The following LMTK2 variants were observed in gnomAD, a reference collection of about 807,000 sequenced individuals.
LMTK2 encodes the protein lemur tail kinase 2, also known as serine/threonine-protein kinase LMTK2.
A neutral mutation model predicts 127.5 loss-of-function variants in LMTK2; 37 were observed. The observed-to-expected ratio is 0.29, with a 90% CI of 0.22 to 0.38. The LOEUF is 0.38. LMTK2 is among the 10% of genes least tolerant of loss of function. LMTK2 has a pLI of 1.00. For synonymous variants in LMTK2, 819 were observed against 810.1 expected, an observed-to-expected ratio of 1.01 and a Z score of -0.19; for missense variants, 1,694 against 1,920.3, an observed-to-expected ratio of 0.88 and a Z score of 2.20.
Position 98,206,488 on chromosome 7 carries a change from A to G in LMTK2, c.*996A>G, listed in dbSNP as rs1431611425. Reference sequence around the variant, plus strand: ...GGGGACGTGCTGGCGTGGCAGGTCCAGAGAGCTGCACCCTGCACGGGGCAC... The same window carrying G: ...GGGGACGTGCTGGCGTGGCAGGTCCGGAGAGCTGCACCCTGCACGGGGCAC... On this transcript the variant is annotated 3_prime_UTR_variant, in exon 14 of 14. Coordinates refer to ENST00000297293, the MANE Select transcript of LMTK2 (RefSeq NM_014916.4). 1 of 152,224 alleles carries G rather than the reference A, an allele frequency of 6.6e-6. No homozygotes were observed. Among genetic ancestry groups the G allele is most frequent in the East Asian group, 1.9e-4 (1 of 5,182 alleles). The allele number at this position is 152,224 out of a possible 1,614,324, so 9.4% of individuals were successfully genotyped here. A position where few individuals can be genotyped will look rare whatever the true frequency, so the allele number is the denominator to read the frequency against.
chr7:98,109,149 G>A (rs934806322), intron 1 of LMTK2, among the ~76,000 whole-genome samples: 10 of 152,162 alleles, frequency 6.6e-5, no homozygotes, highest in African/African-American at 2.4e-4. Flanking sequence ...GTGAGCCACC[G>A]CGCCTGGCCA....
intron 3 of LMTK2, among the ~76,000 whole-genome samples, chr7:98,151,030 A>G (rs1044036487): frequency 1.4e-4 from 21 of 152,230 alleles, no homozygotes; most frequent in African/African-American, 4.8e-4. Flanking sequence ...TTAAAAATTA[A>G]GGAGAGTAGT....
rs1269036331 is a variant in LMTK2 at position 98,193,808 on chromosome 7, A to G, written c.3343A>G (p.Lys1115Glu). 4 of 1,613,774 alleles carry G rather than the reference A, an allele frequency of 2.5e-6. No individual in the cohort carries two copies. Among genetic ancestry groups the G allele is most frequent in the South Asian group, 1.1e-5 (1 of 91,048 alleles). The change falls in exon 11 of 14, where the codon AAA becomes GAA. Residue 1115 changes from lysine to glutamate, a missense_variant. Coordinates refer to ENST00000297293, the MANE Select transcript of LMTK2 (RefSeq NM_014916.4). The surrounding 1 kb of genome is among the most constrained non-coding windows in gnomAD (Gnocchi z 4.1). The stretch of plus-strand genomic sequence containing the variant: ...CTCAGACAATGACTCTGAGCCCGAG[A>G]AAAGGTCTGAGGAGGTCCCGGGAAC... ...YFSDNDSEPE[K>E]RSEEVPGTSP...
intron 11 of LMTK2, among the ~76,000 whole-genome samples, chr7:98,200,003 C>T (rs981720132): frequency 7.9e-5 from 12 of 151,944 alleles, no homozygotes; most frequent in Admixed American, 6.6e-4. Flanking sequence ...TTACGTATAC[C>T]ATTTTATTTG....
At chr7:98,173,199 A>T (rs1314012021) in intron 7 of LMTK2, among the ~76,000 whole-genome samples, 2 of 152,216 alleles carry the variant, frequency 1.3e-5, no homozygotes, top group Non-Finnish European at 2.9e-5. Flanking sequence ...TGCCTATCAG[A>T]CTGTCAACAT....
rs1321252989 is a variant in LMTK2 at position 98,193,765 on chromosome 7, C to T, written c.3300C>T (p.Tyr1100=). The change falls in exon 11 of 14, where the codon TAC becomes TAT. Residue 1100 remains tyrosine (Y), a synonymous_variant. Transcript: ENST00000297293. This position sits in a 1 kb window ranked among gnomAD's most constrained non-coding sequence, Gnocchi z 4.1. The part of the protein sequence containing the change: ...ETFTAGSQGS[Y]RDSAYFSDND... ...TCACAGCTGGCTCCCAGGGTTCATA[C>T]CGAGACTCTGCGTACTTCTCAGACA... The T allele has an allele frequency of 6.2e-7, 1 of 1,613,992 alleles. No individual in the cohort carries two copies. The highest frequency in any genetic ancestry group is 2.2e-5 in the East Asian group (1 of 44,868).
intron 6 of LMTK2, among the ~76,000 whole-genome samples, chr7:98,162,739 A>G (rs1232723500): frequency 1.3e-5 from 2 of 152,260 alleles, no homozygotes; most frequent in Non-Finnish European, 2.9e-5. Flanking sequence ...AAATACAATT[A>G]CCATATGATC....
intron 1 of LMTK2, among the ~76,000 whole-genome samples, chr7:98,116,362 T>A (rs1209300686): frequency 6.6e-6 from 1 of 152,018 alleles, no homozygotes; most frequent in Non-Finnish European, 1.5e-5. Flanking sequence ...GAGAACTAAG[T>A]TCTCCAAACC....
Position 98,191,606 on chromosome 7 carries a change from C to A in LMTK2, c.1149-8C>A. 1 of 1,564,642 alleles carries A rather than the reference C, an allele frequency of 6.4e-7. No individual in the cohort carries two copies. ...GGTTCCACTGATTGCTTGTCGTGTG[C>A]TGCTCAGGTATGAAGTCTTACAGTT... On this transcript the variant is annotated splice_polypyrimidine_tract_variant and splice_region_variant and intron_variant, in intron 10 of 13. Coordinates refer to ENST00000297293, the MANE Select transcript of LMTK2 (RefSeq NM_014916.4).
intron 13 of LMTK2, 139 bp from the exon 14 acceptor site, chr7:98,205,325 G>A: frequency 2.1e-6 from 2 of 974,366 alleles, no homozygotes; most frequent in Non-Finnish European, 3.1e-6. Context: ...GGAAAGGACA[G>A]GAAGGGCGGC....
intron 3 of LMTK2, 125 bp downstream of exon 3, chr7:98,141,666 C>T: frequency 1.1e-6 from 1 of 918,650 alleles, no homozygotes; most frequent in Non-Finnish European, 1.7e-6. Context: ...TCCTTCTGCT[C>T]CCAGTGAAGC....
chr7:98,172,773 T>A (rs1249700657), intron 7 of LMTK2, among the ~76,000 whole-genome samples: 1 of 152,056 alleles, frequency 6.6e-6, no homozygotes, highest in African/African-American at 2.4e-5. Context: ...TTATGTATTA[T>A]TTTTTTGAGA....
intron 5 of LMTK2, among the ~76,000 whole-genome samples, chr7:98,157,251 CGGT>C (rs1796937872): frequency 1.4e-5 from 2 of 141,932 alleles, no homozygotes; most frequent in Non-Finnish European, 3.1e-5. Flanking sequence ...GACCCTGTCT[CGGT>C]AGGTAGGTAG....
At chr7:98,151,714 CAG>C (rs1562906588) in intron 4 of LMTK2, among the ~76,000 whole-genome samples, 1 of 152,208 alleles carries the variant, frequency 6.6e-6, no homozygotes, top group Non-Finnish European at 1.5e-5. Context: ...TTATAAACAA[CAG>C]AAATTTATTT....
Position 98,128,290 on chromosome 7 carries a change from G to A in LMTK2, c.104-9025G>A, listed in dbSNP as rs139886048. 6.6e-3 allele frequency among the ~76,000 whole-genome samples: 1,010 copies of A among 152,266 alleles called. 13 individuals carry two copies. The highest frequency in any genetic ancestry group is 0.023 in the African/African-American group (958 of 41,540). On this transcript the variant is annotated intron_variant, in intron 1 of 13. Coordinates refer to ENST00000297293, the MANE Select transcript of LMTK2 (RefSeq NM_014916.4). ...GCCTTTTAAACAGGTGAGTCCTGAGGGCGGGCCGTAGTCCATTCTCACTGT... is the reference window on the plus strand; with the variant it reads ...GCCTTTTAAACAGGTGAGTCCTGAGAGCGGGCCGTAGTCCATTCTCACTGT...
At chr7:98,182,363 A>G (rs549124668) in intron 7 of LMTK2, among the ~76,000 whole-genome samples, 3 of 152,230 alleles carry the variant, frequency 2.0e-5, no homozygotes, top group Non-Finnish European at 4.4e-5. Flanking sequence ...TATATAAAGC[A>G]TATATGGAGA....
intron 1 of LMTK2, among the ~76,000 whole-genome samples, chr7:98,114,455 G>A (rs1796248606): frequency 6.6e-6 from 1 of 151,782 alleles, no homozygotes; most frequent in South Asian, 2.1e-4. Context: ...ATATTGCCCA[G>A]GCTGGTCTCA....
chr7:98,113,990 G>T (rs1172087773), intron 1 of LMTK2, among the ~76,000 whole-genome samples: 2 of 147,578 alleles, frequency 1.4e-5, no homozygotes, highest in African/African-American at 5.0e-5. Flanking sequence ...GTCATTTATT[G>T]TATTGTGATT....
Position 98,192,421 on chromosome 7 carries a change from C to G in LMTK2, c.1956C>G (p.Phe652Leu). The part of the protein sequence containing the change: ...SEDLPSHQKI[F>L]DLMELNGVQA... ...ATTTGCCCAGTCACCAAAAAATATT[C>G]GACTTAATGGAATTAAACGGAGTTC... The change falls in exon 11 of 14, where the codon TTC (phenylalanine) becomes TTG (leucine). Residue 652 changes from phenylalanine (F) to leucine (L), a missense_variant. By Grantham distance (22) the Phe-to-Leu change is conservative. This residue lies in a region of LMTK2 where 527 missense variants were observed against 539.8 expected (regional missense o/e 0.98). Coordinates refer to ENST00000297293, the MANE Select transcript of LMTK2 (RefSeq NM_014916.4). 2.5e-6 allele frequency: 4 copies of G among 1,611,066 alleles called. No individual in the cohort carries two copies. In the South Asian group the frequency reaches 3.3e-5, roughly 13 times the overall value.
Sources: allele counts gnomAD v4.1 joint callset (sites outside exome capture counted in the v4.1 genomes callset), GRCh38; gene constraint gnomAD v4.1.1; regional missense constraint gnomAD v4.1.1; non-coding constraint Gnocchi (gnomAD v3.1); transcripts MANE v1.5; gene names NCBI Gene and HGNC (gene_info 2026-07-23, HGNC 2026-07-21).